The following PLB1 variants were observed in gnomAD, a reference collection of about 807,000 sequenced individuals.
PLB1 encodes phospholipase B1.
In PLB1, 242 loss-of-function variants were observed where a neutral mutation model predicts 227.4. The observed-to-expected ratio is 1.06, with a 90% CI of 0.96 to 1.18. PLB1 has a LOEUF of 1.18. Ranked by LOEUF, PLB1 falls within the 50% of genes most tolerant of loss-of-function variation. The probability of loss-of-function intolerance (pLI) is 0.00; values close to 1 mark genes in which losing one functional copy is unlikely to be tolerated. For synonymous variants in PLB1, 757 were observed against 682.2 expected (o/e 1.11, Z -1.71); for missense variants, 1,858 against 1,816.3 (o/e 1.02, Z -0.42).
rs563910021 is a variant in PLB1 at position 28,523,569 on chromosome 2, C to T, written c.244-1698C>T. ...GACGTGGAGTTTGCTGGGTTAGCCA[C>T]AGCCTCCCCTCTCTGTGGCTGCCCT... On this transcript the variant is annotated intron_variant, in intron 4 of 57. Coordinates refer to ENST00000327757, the MANE Select transcript of PLB1 (RefSeq NM_153021.5). Among the ~76,000 whole-genome samples the T allele has an allele frequency of 4.6e-5, 7 of 152,168 alleles. No homozygotes were observed. In the South Asian group the frequency reaches 1.2e-3, roughly 27 times the overall value.
intron 25 of PLB1, among the ~76,000 whole-genome samples, chr2:28,584,793 G>GC (rs1553441606): frequency 6.6e-6 from 1 of 152,210 alleles, no homozygotes; most frequent in Non-Finnish European, 1.5e-5. Context: ...GCCCAGATGT[G>GC]CCAGATAGCT....
At chr2:28,568,304 G>C (rs1352018910) in intron 20 of PLB1, among the ~76,000 whole-genome samples, 2 of 152,156 alleles carry the variant, frequency 1.3e-5, no homozygotes, top group Non-Finnish European at 2.9e-5. Flanking sequence ...TCCCATGCTC[G>C]TATTATGGAC....
At chr2:28,536,890 C>G (rs1054373752) in intron 9 of PLB1, among the ~76,000 whole-genome samples, 1 of 152,156 alleles carries the variant, frequency 6.6e-6, no homozygotes, top group Non-Finnish European at 1.5e-5. Context: ...AAGTAAACAC[C>G]TTGACCAGGG....
intron 23 of PLB1, among the ~76,000 whole-genome samples, chr2:28,580,477 G>T (rs1344227423): frequency 6.6e-6 from 1 of 152,226 alleles, no homozygotes; most frequent in Non-Finnish European, 1.5e-5. Flanking sequence ...CACTTCGGGA[G>T]GCCGAGGCAG....
At chr2:28,553,973 G>A (rs557653677) in intron 17 of PLB1, among the ~76,000 whole-genome samples, 6 of 152,138 alleles carry the variant, frequency 3.9e-5, no homozygotes, top group Admixed American at 2.0e-4. Flanking sequence ...CACACATGCC[G>A]TAGCTCTCCA....
chr2:28,506,514 G>A (rs1255713203), intron 1 of PLB1, among the ~76,000 whole-genome samples: 1 of 152,154 alleles, frequency 6.6e-6, no homozygotes, highest in Non-Finnish European at 1.5e-5. Context: ...AAGGAGAGAG[G>A]AGATTTTTCA....
At chr2:28,551,144 T>C (rs1387382202) in intron 16 of PLB1, among the ~76,000 whole-genome samples, 1 of 152,216 alleles carries the variant, frequency 6.6e-6, no homozygotes, top group Non-Finnish European at 1.5e-5. Flanking sequence ...TCTAAAATCA[T>C]CTGAGAACTT....
chr2:28,504,392 A>G (rs182240869), intron 1 of PLB1, among the ~76,000 whole-genome samples: 1 of 152,280 alleles, frequency 6.6e-6, no homozygotes, highest in Non-Finnish European at 1.5e-5. Flanking sequence ...CAAATTGGTA[A>G]TTAAATAACT....
At chr2:28,640,877 A>G (rs757698054) in intron 56 of PLB1, 50 bp from the exon 57 acceptor site, 2 of 1,550,844 alleles carry the variant, frequency 1.3e-6, no homozygotes, top group Non-Finnish European at 1.8e-6. Context: ...CAGAGAGGAA[A>G]GTGTCTCCCA....
Position 28,529,743 on chromosome 2 carries a change from G to T in PLB1, c.432G>T (p.Gln144His). ...CTCTGCACAGAGACTTGTGGATTCA[G>T]GCTCAAGAACTGGTGAGAAACATGA... ...PHDGAEDLWI[Q>H]AQELVRNMKE... The change falls in exon 8 of 58, where the codon CAG becomes CAT. Residue 144 changes from glutamine (Q) to histidine (H), a missense_variant. Gln to His is a conservative substitution (Grantham distance 24). Coordinates refer to ENST00000327757, the MANE Select transcript of PLB1 (RefSeq NM_153021.5). 1 of 1,614,112 alleles carries T rather than the reference G, an allele frequency of 6.2e-7. No individual in the cohort carries two copies. Among genetic ancestry groups the T allele is most frequent in the South Asian group, 1.1e-5 (1 of 91,074 alleles).
intron 17 of PLB1, among the ~76,000 whole-genome samples, chr2:28,557,172 TAGAG>T (rs1675273886): frequency 2.0e-5 from 3 of 152,230 alleles, no homozygotes; most frequent in Admixed American, 2.0e-4. Context: ...CCAAGACACT[TAGAG>T]AAGTGTTTCC....
intron 49 of PLB1, among the ~76,000 whole-genome samples, chr2:28,622,983 A>AT (rs1687243746): frequency 6.6e-6 from 1 of 152,248 alleles, no homozygotes; most frequent in Non-Finnish European, 1.5e-5. Flanking sequence ...TAAGGAGGCT[A>AT]AACAAATGGG....
intron 21 of PLB1, among the ~76,000 whole-genome samples, chr2:28,577,039 C>T (rs182180459): frequency 1.2e-4 from 19 of 152,320 alleles, no homozygotes; most frequent in Non-Finnish European, 2.8e-4. Flanking sequence ...TTGCATACTA[C>T]GTGCCAAGCA....
intron 40 of PLB1, among the ~76,000 whole-genome samples, chr2:28,604,295 C>G (rs1684337677): frequency 6.6e-6 from 1 of 152,176 alleles, no homozygotes; most frequent in Non-Finnish European, 1.5e-5. Context: ...AGGGCTTAAC[C>G]CCAACTCCTG....
At chr2:28,640,403 C>A (rs1573622415) in intron 56 of PLB1, among the ~76,000 whole-genome samples, 1 of 152,232 alleles carries the variant, frequency 6.6e-6, no homozygotes, top group African/African-American at 2.4e-5. Flanking sequence ...TACAAAGTGG[C>A]GCAAGTGAGA....
At chr2:28,567,424 T>C (rs1175853162) in intron 20 of PLB1, among the ~76,000 whole-genome samples, 1 of 151,810 alleles carries the variant, frequency 6.6e-6, no homozygotes, top group African/African-American at 2.4e-5. Flanking sequence ...CTCAGCACTT[T>C]CCTTAATTTA....
chr2:28,529,843 G>A (rs1670786263), intron 8 of PLB1, 64 bp downstream of exon 8: 19 of 1,511,320 alleles, frequency 1.3e-5, no homozygotes, highest in South Asian at 1.1e-4. Flanking sequence ...CGGGCAGACC[G>A]AAGTGATGAT....
At chr2:28,525,971 T>C (rs72792970) in intron 6 of PLB1, 26 bp downstream of exon 6, 48,172 of 1,613,620 alleles carry the variant, frequency 0.03, 832 homozygotes, top group Non-Finnish European at 0.034. Context: ...CACGGCCAGA[T>C]TTCAGAGTGC....
chr2:28,588,938 G>C (rs1047800146), intron 26 of PLB1, among the ~76,000 whole-genome samples: 1 of 152,060 alleles, frequency 6.6e-6, no homozygotes, highest in African/African-American at 2.4e-5. Flanking sequence ...GGCCGAGGCG[G>C]GTGGATCACG....
Sources: allele counts gnomAD v4.1 joint callset (sites outside exome capture counted in the v4.1 genomes callset), GRCh38; gene constraint gnomAD v4.1.1; transcripts MANE v1.5; gene names NCBI Gene and HGNC (gene_info 2026-07-23, HGNC 2026-07-21).